GRK5: variants seen among roughly 807,000 people sequenced by gnomAD.
GRK5 encodes G protein-coupled receptor kinase 5, also known as g protein-coupled receptor kinase GRK5.
Under a neutral mutation model 78.4 loss-of-function variants are expected in GRK5, and 40 were observed. The ratio of observed to expected loss-of-function variants is 0.51; its 90% confidence interval spans 0.40 to 0.66. The LOEUF (loss-of-function observed/expected upper bound fraction) is 0.66. Ranked by LOEUF, GRK5 falls within the 30% of genes least tolerant of loss-of-function variation. GRK5 has a pLI of 0.00. For missense variants in GRK5, 598 were observed against 759.9 expected (o/e 0.79, Z 2.50); for synonymous variants, 289 against 296.8 (o/e 0.97, Z 0.27).
At chr10:119,212,758 A>C (rs1848508791) in intron 1 of GRK5, 3 of 152,242 alleles carry the variant, frequency 2.0e-5, no homozygotes, top group Admixed American at 2.0e-4. Flanking sequence ...GAAAACAGAA[A>C]GTGACTACCA....
At chr10:119,229,124 G>T (rs1848786106) in intron 1 of GRK5, among the ~76,000 whole-genome samples, 1 of 152,050 alleles carries the variant, frequency 6.6e-6, no homozygotes, top group Non-Finnish European at 1.5e-5. Flanking sequence ...AATTTTGTTA[G>T]GCTTGATGCG....
chr10:119,447,201 G>T (rs2133914097), intron 12 of GRK5, among the ~76,000 whole-genome samples: 1 of 152,266 alleles, frequency 6.6e-6, no homozygotes, highest in Admixed American at 6.5e-5. Context: ...TCTCACCTGG[G>T]TGTCTGCTCC....
Position 119,423,300 on chromosome 10 carries a change from G to A in GRK5, c.440+34G>A, listed in dbSNP as rs564831112. ...CGTAGTCACCTGGCCTGTCCTCCCC[G>A]GGCTGCCCAGAGATGGGATGCCGCA... On this transcript the variant is annotated intron_variant, in intron 5 of 15. Coordinates refer to ENST00000392870, the MANE Select transcript of GRK5 (RefSeq NM_005308.3). 4.0e-4 allele frequency: 603 copies of A among 1,489,570 alleles called. 13 individuals are homozygous for A. The South Asian group carries it at 6.3e-3, about 15-fold the overall frequency. The allele number at this position is 1,489,570 out of a possible 1,614,324, so 92.3% of individuals were successfully genotyped here.
intron 4 of GRK5, among the ~76,000 whole-genome samples, chr10:119,415,573 G>A (rs1387719197): frequency 1.3e-5 from 2 of 152,338 alleles, no homozygotes; most frequent in South Asian, 2.1e-4. Context: ...CCAAACAAGA[G>A]AAGAGAATTC....
At chr10:119,439,853 TG>T in intron 10 of GRK5, 85 bp downstream of exon 10, 1 of 1,354,968 alleles carries the variant, frequency 7.4e-7, no homozygotes, top group Non-Finnish European at 1.1e-6. Flanking sequence ...CAGAGAGGGC[TG>T]GGGAAGCTGA....
At chr10:119,240,154 A>G (rs1256936321) in intron 1 of GRK5, among the ~76,000 whole-genome samples, 3 of 104,058 alleles carry the variant, frequency 2.9e-5, no homozygotes, top group South Asian at 2.9e-4. Flanking sequence ...AAGCATTCCT[A>G]TTTCTCCACA....
intron 3 of GRK5, among the ~76,000 whole-genome samples, chr10:119,396,168 T>C (rs891086855): frequency 6.6e-6 from 1 of 152,218 alleles, no homozygotes; most frequent in African/African-American, 2.4e-5. Context: ...GTATAATCAG[T>C]GTATACCTAG....
intron 3 of GRK5, among the ~76,000 whole-genome samples, chr10:119,394,310 GCAC>G (rs1851968096): frequency 8.3e-5 from 1 of 12,110 alleles, no homozygotes; most frequent in Non-Finnish European, 2.0e-4. Context: ...GTCTGTGTGG[GCAC>G]GTGGGTGTGT....
chr10:119,266,756 G>A (rs1298201216), intron 1 of GRK5, among the ~76,000 whole-genome samples: 1 of 146,926 alleles, frequency 6.8e-6, no homozygotes, highest in Non-Finnish European at 1.5e-5. Context: ...CTGGGGTTGG[G>A]TGGGTGGGGG....
At chr10:119,236,315 A>C (rs1048121171) in intron 1 of GRK5, among the ~76,000 whole-genome samples, 1 of 151,798 alleles carries the variant, frequency 6.6e-6, no homozygotes, top group African/African-American at 2.4e-5. Flanking sequence ...TCCCGGGTTC[A>C]CGCCATTCTC....
chr10:119,207,614 A>C lies in GRK5; in HGVS notation c.-304A>C. The C allele has an allele frequency of 1.4e-5, 4 of 283,752 alleles. No homozygotes were observed. Among genetic ancestry groups the C allele is most frequent in the Non-Finnish European group, 1.3e-5 (2 of 156,224 alleles). 17.6% of individuals were successfully genotyped at this position (283,752 alleles called of 1,614,324 possible). A position where few individuals can be genotyped will look rare whatever the true frequency, so the allele number is the denominator to read the frequency against. On this transcript the variant is annotated 5_prime_UTR_variant, in exon 1 of 16. Transcript: ENST00000392870. ...AAAGCATCCGAGGGAGCCGGAGGGGAGGAGAATGGAGTGACAGAGACACGC... is the reference window on the plus strand; with the variant it reads ...AAAGCATCCGAGGGAGCCGGAGGGGCGGAGAATGGAGTGACAGAGACACGC...
chr10:119,324,401 C>A (rs748872906), intron 1 of GRK5, among the ~76,000 whole-genome samples: 1 of 152,154 alleles, frequency 6.6e-6, no homozygotes, highest in Admixed American at 6.5e-5. Flanking sequence ...CCAAGGCAGG[C>A]GGATCACTTG....
chr10:119,344,932 T>TCCTTCCTTCCTTCCTC (rs1851061091), intron 2 of GRK5, among the ~76,000 whole-genome samples: 2 of 131,948 alleles, frequency 1.5e-5, no homozygotes, highest in Non-Finnish European at 3.2e-5. Context: ...CTTCCTTCCT[T>TCCTTCCTTCCTTCCTC]CCTTTTCCTC....
At chr10:119,380,741 G>A in intron 2 of GRK5, 74 bp from the exon 3 acceptor site, 1 of 873,590 alleles carries the variant, frequency 1.1e-6, no homozygotes, top group South Asian at 1.4e-5. Context: ...TCTGAGCCCA[G>A]GTGTGGGAAT....
At chr10:119,316,938 A>G (rs965543181) in intron 1 of GRK5, among the ~76,000 whole-genome samples, 1 of 152,204 alleles carries the variant, frequency 6.6e-6, no homozygotes, top group East Asian at 1.9e-4. Context: ...TCTCTCTGAC[A>G]TGCCCAGCCC....
At chr10:119,370,975 C>A (rs960822286) in intron 2 of GRK5, among the ~76,000 whole-genome samples, 1 of 143,800 alleles carries the variant, frequency 7.0e-6, no homozygotes, top group South Asian at 2.5e-4. Context: ...TCCACCCCCC[C>A]GCCCCACTCC....
intron 1 of GRK5, among the ~76,000 whole-genome samples, chr10:119,218,890 A>C (rs993118627): frequency 6.6e-6 from 1 of 151,530 alleles, no homozygotes; most frequent in African/African-American, 2.4e-5. Flanking sequence ...TGAAATCCAA[A>C]ATCTGAAACT....
intron 1 of GRK5, among the ~76,000 whole-genome samples, chr10:119,245,639 A>G (rs748792765): frequency 3.9e-5 from 6 of 152,210 alleles, no homozygotes; most frequent in Non-Finnish European, 7.3e-5. Flanking sequence ...CTCAGTGGGT[A>G]TAAAGTTTCT....
chr10:119,431,267 C>A lies in GRK5; in HGVS notation c.598-120C>A, dbSNP rs1381624738. 7.6e-6 allele frequency: 9 copies of A among 1,186,432 alleles called. No individual in the cohort carries two copies. In the South Asian group the frequency reaches 8.0e-5, roughly 11 times the overall value. 73.5% of individuals were successfully genotyped at this position (1,186,432 alleles called of 1,614,324 possible). ...AGCCTGGAGCACTCATGAAGCCAGG[C>A]AGGGCCGGCTCTGACCCCATCCATT... is the stretch of plus-strand genomic sequence containing the variant. On this transcript the variant is annotated intron_variant, in intron 7 of 15. Transcript: ENST00000392870. This position sits in a 1 kb window ranked among gnomAD's most constrained non-coding sequence, Gnocchi z 4.8.
Sources: gnomAD v4.1 joint callset for allele counts (sites outside exome capture counted in the v4.1 genomes callset) on GRCh38, gnomAD v4.1.1 for gene constraint, Gnocchi (gnomAD v3.1) non-coding constraint, MANE v1.5 for transcripts, NCBI Gene and HGNC (gene_info 2026-07-23, HGNC 2026-07-21) for gene names.